The following SULT2B1 variants were observed in gnomAD, a reference collection of about 807,000 sequenced individuals.
SULT2B1 encodes sulfotransferase family 2B member 1.
Under a neutral mutation model 33.2 loss-of-function variants are expected in SULT2B1, and 16 were observed. That is an observed-to-expected ratio of 0.48 (90% CI 0.33 to 0.73). The LOEUF (loss-of-function observed/expected upper bound fraction) is 0.73. Among genes scored for constraint, SULT2B1 ranks in the 30% least tolerant of loss-of-function variants. The probability of loss-of-function intolerance (pLI) is 0.02; values close to 1 mark genes in which losing one functional copy is unlikely to be tolerated. For synonymous variants in SULT2B1, 186 were observed against 200.5 expected, an observed-to-expected ratio of 0.93 and a Z score of 0.61; for missense variants, 500 against 506.0, an observed-to-expected ratio of 0.99 and a Z score of 0.11.
At chr19:48,576,359 C>CTTTTTTTTTTTT (rs1188887401) in intron 2 of SULT2B1, among the ~76,000 whole-genome samples, 7 of 96,716 alleles carry the variant, frequency 7.2e-5, no homozygotes, top group African/African-American at 2.1e-4. Context: ...CTCTACTTCT[C>CTTTTTTTTTTTT]TTTTTTTTTT....
intron 2 of SULT2B1, 32 bp from the exon 3 acceptor site, chr19:48,587,197 A>G (rs1370802166): frequency 6.5e-7 from 1 of 1,536,392 alleles, no homozygotes; most frequent in Admixed American, 1.8e-5. Context: ...GCCCTCCCAC[A>G]CCCAATTAAT....
rs537109294 is a variant in SULT2B1 at position 48,552,971 on chromosome 19, G to A, written c.71+648G>A. Among the ~76,000 whole-genome samples the A allele has an allele frequency of 5.9e-5, 9 of 152,216 alleles. No homozygotes were observed. Among genetic ancestry groups the A allele is most frequent in the Admixed American group, 2.6e-4 (4 of 15,278 alleles). ...GGGGAAACTGAGGCTGGGAGGGAAC[G>A]CGACATGACCGCAATTACGCAGCTA... is the stretch of plus-strand genomic sequence containing the variant. On this transcript the variant is annotated intron_variant, in intron 1 of 6. Transcript: ENST00000201586. The surrounding 1 kb of genome is among the most constrained non-coding windows in gnomAD (Gnocchi z 4.8).
At chr19:48,559,340 GGTTTTGTTTTTT>G (rs1441503268) in intron 1 of SULT2B1, among the ~76,000 whole-genome samples, 1 of 146,088 alleles carries the variant, frequency 6.8e-6, no homozygotes, top group African/African-American at 2.6e-5. Context: ...GGACCCATTT[GGTTTTGTTTTTT>G]GTTTTGTTTT....
At chr19:48,578,857 T>A (rs1424392338) in intron 2 of SULT2B1, among the ~76,000 whole-genome samples, 3 of 151,900 alleles carry the variant, frequency 2.0e-5, no homozygotes, top group Non-Finnish European at 4.4e-5. Context: ...GCCTTGGCGA[T>A]AGGGCAAGAC....
At chr19:48,598,953 G>A (rs979358803) in intron 6 of SULT2B1, among the ~76,000 whole-genome samples, 182 bp from the exon 7 acceptor site, 1 of 152,050 alleles carries the variant, frequency 6.6e-6, no homozygotes, top group African/African-American at 2.4e-5. Flanking sequence ...CAGGTGACAG[G>A]CCAAGACTCT....
intron 6 of SULT2B1, among the ~76,000 whole-genome samples, chr19:48,598,084 C>CAA (rs1973744584): frequency 6.6e-6 from 1 of 152,108 alleles, no homozygotes; most frequent in East Asian, 1.9e-4. Flanking sequence ...CACATAAGGT[C>CAA]ACATATTCAC....
chr19:48,552,539 T>C lies in SULT2B1; in HGVS notation c.71+216T>C, dbSNP rs279447. Reference sequence around the variant, plus strand: ...GGACCCGACCGTGTTGAGTCACCAGTGGGGATGCCTGGGGTGTCCCTGTCG... The same window carrying C: ...GGACCCGACCGTGTTGAGTCACCAGCGGGGATGCCTGGGGTGTCCCTGTCG... On this transcript the variant is annotated intron_variant, in intron 1 of 6. Coordinates refer to ENST00000201586, the MANE Select transcript of SULT2B1 (RefSeq NM_177973.2). The surrounding 1 kb of genome is among the most constrained non-coding windows in gnomAD (Gnocchi z 4.8). 0.13 allele frequency among the ~76,000 whole-genome samples: 19,202 copies of C among 152,098 alleles called. 2,533 individuals carry two copies. Among genetic ancestry groups the C allele is most frequent in the African/African-American group, 0.33 (13,868 of 41,466 alleles).
intron 1 of SULT2B1, among the ~76,000 whole-genome samples, chr19:48,574,601 C>T (rs370161003): frequency 3.1e-4 from 47 of 152,172 alleles, no homozygotes; most frequent in Non-Finnish European, 5.9e-4. Flanking sequence ...ATAAATGTAT[C>T]AGGAGCCAAG....
chr19:48,596,471 C>CCGG (rs1568415110), intron 5 of SULT2B1: 42 of 239,636 alleles, frequency 1.8e-4, no homozygotes, highest in African/African-American at 8.5e-4. Context: ...ACCTCTGCCC[C>CCGG]CTGCTGTGAC....
chr19:48,597,787 G>A (rs1973740994), intron 6 of SULT2B1, among the ~76,000 whole-genome samples: 1 of 151,468 alleles, frequency 6.6e-6, no homozygotes, highest in African/African-American at 2.4e-5. Flanking sequence ...GTGACTATAG[G>A]CACCCACCAC....
In SULT2B1 at chr19:48,552,609, C is replaced by T. The variant is rs574185998; in HGVS notation, c.71+286C>T. Among the ~76,000 whole-genome samples, 6 of 152,300 alleles carry T rather than the reference C, an allele frequency of 3.9e-5. No individual in the cohort carries two copies. In the South Asian group the frequency reaches 1.2e-3, roughly 32 times the overall value. On this transcript the variant is annotated intron_variant, in intron 1 of 6. Transcript: ENST00000201586. The surrounding 1 kb of genome is among the most constrained non-coding windows in gnomAD (Gnocchi z 4.8). ...TCTGTCTGTCAAAGGGGCCCACAAG[C>T]CCTGTGTCTCCCTGATAGAGCAGTG...
At chr19:48,558,679 CTTTTTT>C (rs869189397) in intron 1 of SULT2B1, among the ~76,000 whole-genome samples, 2 of 106,166 alleles carry the variant, frequency 1.9e-5, no homozygotes, top group African/African-American at 8.3e-5. Flanking sequence ...CTTTTCTTTT[CTTTTTT>C]TTTTTTTTTT....
Position 48,587,278 on chromosome 19 carries a change from T to A in SULT2B1, c.264T>A (p.Asp88Glu). ...EIICLILKEG[D>E]PSWIRSVPIW... The stretch of plus-strand genomic sequence containing the variant: ...TCTGCTTAATCCTGAAGGAAGGGGA[T>A]CCATCCTGGATCCGCTCCGTGCCCA... The change falls in exon 3 of 7, where the codon GAT becomes GAA. Residue 88 changes from aspartate to glutamate, a missense_variant. Coordinates refer to ENST00000201586, the MANE Select transcript of SULT2B1 (RefSeq NM_177973.2). 3.1e-6 allele frequency: 5 copies of A among 1,613,862 alleles called. No homozygotes were observed. Among genetic ancestry groups the A allele is most frequent in the Non-Finnish European group, 4.2e-6 (5 of 1,179,960 alleles).
intron 3 of SULT2B1, among the ~76,000 whole-genome samples, chr19:48,588,721 A>C (rs1440193102): frequency 6.6e-6 from 1 of 151,814 alleles, no homozygotes; most frequent in Admixed American, 6.6e-5. Context: ...TGCAATTATA[A>C]ATAAGGAGGT....
At position 48,552,394 on chromosome 19, in the gene SULT2B1, T is replaced by G. The variant is rs929893462; in HGVS notation, c.71+71T>G. 2.3e-5 allele frequency: 35 copies of G among 1,547,892 alleles called. No individual in the cohort carries two copies. The African/African-American group carries it at 4.1e-4, about 18-fold the overall frequency. On this transcript the variant is annotated intron_variant, in intron 1 of 6. Transcript: ENST00000201586. This position sits in a 1 kb window ranked among gnomAD's most constrained non-coding sequence, Gnocchi z 4.8. ...GTGGCTGTTTGGGGGAGCCGGGGAC[T>G]GTGGCAAGGGTGGCCTCCAGCCACC...
At chr19:48,553,244 G>A (rs1172371600) in intron 1 of SULT2B1, among the ~76,000 whole-genome samples, 1 of 152,138 alleles carries the variant, frequency 6.6e-6, no homozygotes, top group Non-Finnish European at 1.5e-5. Context: ...TCCAGCCACC[G>A]TGGGCTGTGA....
At chr19:48,570,459 G>A (rs149870594) in intron 1 of SULT2B1, among the ~76,000 whole-genome samples, 92 of 152,098 alleles carry the variant, frequency 6.0e-4, no homozygotes, top group African/African-American at 2.0e-3. Flanking sequence ...GATTACAGGC[G>A]TGAGCCACCG....
In SULT2B1 at chr19:48,599,108, C is replaced by G; in HGVS notation, c.827-27C>G. The G allele has an allele frequency of 6.4e-7, 1 of 1,551,766 alleles. No individual in the cohort carries two copies. The highest frequency in any genetic ancestry group is 8.7e-7 in the Non-Finnish European group (1 of 1,153,092). On this transcript the variant is annotated intron_variant, in intron 6 of 6. Transcript: ENST00000201586. This position sits in a 1 kb window ranked among gnomAD's most constrained non-coding sequence, Gnocchi z 4.1. ...GGCGCAGTGCTCCCCAGAGGCTCCT[C>G]ACCCCCTGGTGCCCCCTCTTCTCCA... is the stretch of plus-strand genomic sequence containing the variant.
chr19:48,587,479 G>T, intron 3 of SULT2B1, 42 bp downstream of exon 3: 1 of 1,601,280 alleles, frequency 6.2e-7, no homozygotes. Flanking sequence ...GGGCTGCATG[G>T]GTGTATGGGG....
Sources: gnomAD v4.1 joint callset for allele counts (sites outside exome capture counted in the v4.1 genomes callset) on GRCh38, gnomAD v4.1.1 for gene constraint, Gnocchi (gnomAD v3.1) non-coding constraint, MANE v1.5 for transcripts, NCBI Gene and HGNC (gene_info 2026-07-23, HGNC 2026-07-21) for gene names.